SNX4: variants seen among roughly 807,000 people sequenced by gnomAD.
SNX4 encodes sorting nexin-4.
SNX4 carries 49 observed loss-of-function variants against 70.8 expected under a neutral mutation model. The observed-to-expected ratio is 0.69, with a 90% CI of 0.55 to 0.88. The LOEUF (loss-of-function observed/expected upper bound fraction) is 0.88. Among genes scored for constraint, SNX4 ranks in the 40% least tolerant of loss-of-function variants. The pLI, the probability that SNX4 is intolerant of heterozygous loss-of-function variation, is 0.00. For missense variants in SNX4, 528 were observed against 544.8 expected (o/e 0.97, Z 0.31); for synonymous variants, 206 against 183.8 (o/e 1.12, Z -0.98).
rs745308330 is a variant in SNX4, at chr3:125,504,762, AAAC to A, written c.142-21_142-19del. 2.1e-5 allele frequency: 34 copies of A among 1,608,382 alleles called. No homozygotes were observed. Among genetic ancestry groups the A allele is most frequent in the Admixed American group, 6.8e-5 (4 of 59,232 alleles). On this transcript the variant is annotated intron_variant, in intron 1 of 13. Transcript: ENST00000251775. ...TGTGTCATCTGGACAAAAGTAAATA[AAAC>A]AACAACAACAACAAAAACCTTTAAG...
chr3:125,447,289 A>T lies in SNX4; in HGVS notation c.*490T>A, dbSNP rs924895559. The T allele has an allele frequency of 1.9e-4, 29 of 152,852 alleles. No individual in the cohort carries two copies. Among genetic ancestry groups the T allele is most frequent in the African/African-American group, 7.0e-4 (29 of 41,576 alleles). 9.5% of individuals were successfully genotyped at this position (152,852 alleles called of 1,614,324 possible). ...CAATGAATGTAGAAGAAAATCGTAG[A>T]TTTTTCACATCAAGTTTCTGCTGAG... On this transcript the variant is annotated 3_prime_UTR_variant, in exon 14 of 14. Transcript: ENST00000251775.
At chr3:125,488,196 C>T (rs2107551158) in intron 6 of SNX4, among the ~76,000 whole-genome samples, 1 of 132,610 alleles carries the variant, frequency 7.5e-6, no homozygotes, top group East Asian at 2.2e-4. Flanking sequence ...AAAAAAAAGG[C>T]CAGGCATGGT....
In SNX4 at chr3:125,500,799, C is replaced by CAAAAAAAAAAAAAAAAAAAAAAAA. The variant is rs770336677; in HGVS notation, c.264-2629_264-2606dup. The stretch of plus-strand genomic sequence containing the variant: ...TGGGCGACAGAGCAAGACTCCGTCT[C>CAAAAAAAAAAAAAAAAAAAAAAAA]AAAAAAAAAAAAAAAAAAAAAAAAA... On this transcript the variant is annotated intron_variant, in intron 2 of 13. Coordinates refer to ENST00000251775, the MANE Select transcript of SNX4 (RefSeq NM_003794.4). 1.0e-4 allele frequency among the ~76,000 whole-genome samples: 3 copies of CAAAAAAAAAAAAAAAAAAAAAAAA among 29,316 alleles called. 1 individual carries two copies. The highest frequency in any genetic ancestry group is 2.6e-4 in the African/African-American group (2 of 7,828). 19.2% of individuals were successfully genotyped at this position (29,316 alleles called of 152,430 possible).
intron 2 of SNX4, among the ~76,000 whole-genome samples, chr3:125,502,917 G>GTT (rs1241603208): frequency 1.2e-4 from 11 of 89,522 alleles, no homozygotes; most frequent in Non-Finnish European, 1.4e-4. Flanking sequence ...TGGTTTGGTA[G>GTT]TTTTTTTTTT....
chr3:125,454,003 C>T (rs1172818504), intron 11 of SNX4, 48 bp from the exon 12 acceptor site: 6 of 1,458,910 alleles, frequency 4.1e-6, no homozygotes, highest in African/African-American at 1.4e-5. Context: ...ATGCGGCATA[C>T]ACATACACAT....
intron 1 of SNX4, among the ~76,000 whole-genome samples, chr3:125,508,088 T>A (rs1935089146): frequency 6.6e-6 from 1 of 152,170 alleles, no homozygotes; most frequent in South Asian, 2.1e-4. Flanking sequence ...ACACATCCCA[T>A]GTTCATGATT....
chr3:125,450,826 T>C (rs1579968480), intron 13 of SNX4, among the ~76,000 whole-genome samples: 1 of 152,240 alleles, frequency 6.6e-6, no homozygotes, highest in Non-Finnish European at 1.5e-5. Flanking sequence ...TCAAAGCATA[T>C]ACCTGGAATG....
intron 2 of SNX4, among the ~76,000 whole-genome samples, chr3:125,502,602 G>A (rs1160108591): frequency 6.6e-6 from 1 of 151,708 alleles, no homozygotes; most frequent in African/African-American, 2.4e-5. Flanking sequence ...CGGATGCGGT[G>A]GCTCGTGCCT....
chr3:125,451,635 T>TC (rs1933576341), intron 12 of SNX4, among the ~76,000 whole-genome samples: 1 of 148,022 alleles, frequency 6.8e-6, no homozygotes, highest in East Asian at 2.0e-4. Context: ...CTACTTTTTC[T>TC]TTTTTTTTTG....
At chr3:125,511,087 T>C (rs1483430178) in intron 1 of SNX4, among the ~76,000 whole-genome samples, 1 of 152,210 alleles carries the variant, frequency 6.6e-6, no homozygotes, top group Non-Finnish European at 1.5e-5. Context: ...GATAATTCTG[T>C]ATTTTTAGTT....
chr3:125,486,359 T>C (rs1934533093), intron 6 of SNX4, among the ~76,000 whole-genome samples: 1 of 151,584 alleles, frequency 6.6e-6, no homozygotes, highest in Non-Finnish European at 1.5e-5. Context: ...TAAGTTAAGT[T>C]ACATAGATTT....
At chr3:125,502,243 C>T (rs1052155001) in intron 2 of SNX4, among the ~76,000 whole-genome samples, 1 of 152,096 alleles carries the variant, frequency 6.6e-6, no homozygotes, top group Non-Finnish European at 1.5e-5. Flanking sequence ...CCTTACAAAT[C>T]TCTGGGATAC....
At chr3:125,448,883 T>C (rs1056306104) in intron 13 of SNX4, among the ~76,000 whole-genome samples, 6 of 151,620 alleles carry the variant, frequency 4.0e-5, no homozygotes, top group Non-Finnish European at 7.4e-5. Context: ...CACCGTGTGT[T>C]AGGCAGGATG....
chr3:125,506,180 T>C (rs1301233868), intron 1 of SNX4, among the ~76,000 whole-genome samples: 1 of 152,028 alleles, frequency 6.6e-6, no homozygotes, highest in Admixed American at 6.6e-5. Context: ...CATTATTACA[T>C]GCAAATGCCT....
chr3:125,506,817 T>TGAAAAAAAAAAAAAA (rs199752160), intron 1 of SNX4, among the ~76,000 whole-genome samples: 4 of 26,822 alleles, frequency 1.5e-4, no homozygotes, highest in African/African-American at 3.9e-4. Context: ...GTGGAGAAAG[T>TGAAAAAAAAAAAAAA]AAAAAAAAAA....
intron 13 of SNX4, among the ~76,000 whole-genome samples, chr3:125,449,472 C>A (rs1459429520): frequency 1.3e-5 from 2 of 151,660 alleles, no homozygotes; most frequent in African/African-American, 4.8e-5. Flanking sequence ...TGTTGCCCAG[C>A]CTAGTCTTGA....
intron 1 of SNX4, among the ~76,000 whole-genome samples, chr3:125,505,594 C>A (rs945881834): frequency 2.0e-5 from 3 of 152,190 alleles, no homozygotes; most frequent in Admixed American, 2.0e-4. Context: ...GCCTTGTTCT[C>A]CAAACATCCA....
intron 9 of SNX4, among the ~76,000 whole-genome samples, chr3:125,466,285 C>G (rs1934014737): frequency 6.7e-6 from 1 of 149,222 alleles, no homozygotes; most frequent in Non-Finnish European, 1.5e-5. Flanking sequence ...CCTGTTATCA[C>G]ATACAAAAAT....
chr3:125,450,109 A>G (rs1403193984), intron 13 of SNX4, among the ~76,000 whole-genome samples: 2 of 152,140 alleles, frequency 1.3e-5, no homozygotes, highest in African/African-American at 4.8e-5. Flanking sequence ...GAAAAAGACA[A>G]TGGATTGTAA....
Sources: gnomAD v4.1 joint callset for allele counts (sites outside exome capture counted in the v4.1 genomes callset) on GRCh38, gnomAD v4.1.1 for gene constraint, MANE v1.5 for transcripts, NCBI Gene and HGNC (gene_info 2026-07-23, HGNC 2026-07-21) for gene names.